Variants in EPHX2 observed in about 807,000 individuals in gnomAD.
The protein encoded by EPHX2 is bifunctional epoxide hydrolase 2.
In EPHX2, 74 loss-of-function variants were observed where a neutral mutation model predicts 78.7. The observed-to-expected ratio is 0.94, with a 90% CI of 0.78 to 1.14. The LOEUF is 1.14. EPHX2 is among the 50% of genes most tolerant of loss of function. EPHX2 has a pLI of 0.00. For missense variants in EPHX2, 715 were observed against 702.5 expected (o/e 1.02, Z -0.20); for synonymous variants, 251 against 255.2 (o/e 0.98, Z 0.16).
At chr8:27,496,192 A>G (rs988938969) in intron 1 of EPHX2, among the ~76,000 whole-genome samples, 6 of 152,220 alleles carry the variant, frequency 3.9e-5, no homozygotes, top group African/African-American at 9.6e-5. Flanking sequence ...TTTAGATGCC[A>G]TGTACCCTTG....
At chr8:27,509,477 C>G (rs1427055976) in intron 5 of EPHX2, among the ~76,000 whole-genome samples, 1 of 152,132 alleles carries the variant, frequency 6.6e-6, no homozygotes, top group Non-Finnish European at 1.5e-5. Flanking sequence ...CAGAGTCTCA[C>G]TCTGTTGGCC....
rs745786326 is a variant in EPHX2 at position 27,504,984 on chromosome 8, C to G, written c.375C>G (p.Thr125=). ...KGFTTAILTN[T]WLDDRAERDG... Reference sequence around the variant, plus strand: ...TCACTACTGCCATCCTCACCAACACCTGGCTGGACGACCGTGCTGAGAGAG... The same window carrying G: ...TCACTACTGCCATCCTCACCAACACGTGGCTGGACGACCGTGCTGAGAGAG... The change falls in exon 4 of 19, where the codon ACC becomes ACG. Residue 125 remains threonine (T), a synonymous_variant. Transcript: ENST00000521400. The G allele has an allele frequency of 6.2e-7, 1 of 1,614,138 alleles. No homozygotes were observed. Among genetic ancestry groups the G allele is most frequent in the Non-Finnish European group, 8.5e-7 (1 of 1,180,036 alleles).
At chr8:27,519,298 G>A (rs72475862) in intron 9 of EPHX2, among the ~76,000 whole-genome samples, 10 of 152,328 alleles carry the variant, frequency 6.6e-5, no homozygotes, top group Non-Finnish European at 1.0e-4. Flanking sequence ...GAGGAATGAC[G>A]TGCTGGTGCA....
In EPHX2 at chr8:27,544,682, T is replaced by A. The variant is rs1479072230; in HGVS notation, c.*160T>A. 2.9e-6 allele frequency: 2 copies of A among 691,202 alleles called. No individual in the cohort carries two copies. Among genetic ancestry groups the A allele is most frequent in the Admixed American group, 5.6e-5 (2 of 35,728 alleles). The allele number at this position is 691,202 out of a possible 1,614,324, so 42.8% of individuals were successfully genotyped here. A position where few individuals can be genotyped will look rare whatever the true frequency, so the allele number is the denominator to read the frequency against. Reference sequence around the variant, plus strand: ...AAAGATTTTCTTTACATAAAGTGAATCAAATTTGACATTATTTTAGATCCC... The same window carrying A: ...AAAGATTTTCTTTACATAAAGTGAAACAAATTTGACATTATTTTAGATCCC... On this transcript the variant is annotated 3_prime_UTR_variant, in exon 19 of 19. Transcript: ENST00000521400.
chr8:27,541,574 C>T (rs1429004223), intron 16 of EPHX2, 32 bp downstream of exon 16: 16 of 1,612,874 alleles, frequency 9.9e-6, no homozygotes, highest in Non-Finnish European at 1.4e-5. Flanking sequence ...GTCTCATCCA[C>T]ACCCCAGGAC....
chr8:27,506,875 GT>G lies in EPHX2; in HGVS notation c.548del (p.Leu183TrpfsTer8). ...TCCCATGCTGTTTTGGGCTCAGGTC[GT>G]TTTTTTGGATGACATCGGGGCTAAT... ...DTLKASPSEV[V>X]FLDDIGANLK... is the part of the protein sequence containing the mutation. On this transcript the variant is annotated frameshift_variant, in exon 5 of 19. Coordinates refer to ENST00000521400, the MANE Select transcript of EPHX2 (RefSeq NM_001979.6). LOFTEE classifies it high-confidence loss of function. The G allele has an allele frequency of 1.2e-6, 2 of 1,613,552 alleles. No individual in the cohort carries two copies. Among genetic ancestry groups the G allele is most frequent in the East Asian group, 2.2e-5 (1 of 44,836 alleles).
At chr8:27,534,448 C>T (rs1409042152) in intron 12 of EPHX2, among the ~76,000 whole-genome samples, 1 of 152,082 alleles carries the variant, frequency 6.6e-6, no homozygotes, top group Non-Finnish European at 1.5e-5. Context: ...GTCAGAAGCT[C>T]GAGACTAGCC....
chr8:27,525,133 T>C (rs1814797047), intron 11 of EPHX2, among the ~76,000 whole-genome samples: 1 of 150,996 alleles, frequency 6.6e-6, no homozygotes, highest in Non-Finnish European at 1.5e-5. Flanking sequence ...CACCTATGTG[T>C]CTAAGGCAAG....
chr8:27,501,376 TTCTTCTTCTTC>T (rs767531594), intron 2 of EPHX2, among the ~76,000 whole-genome samples: 48 of 128,926 alleles, frequency 3.7e-4, no homozygotes, highest in Middle Eastern at 3.5e-3. Flanking sequence ...CTTCTTCTTC[TTCTTCTTCTTC>T]TTCTTCTTTC....
intron 12 of EPHX2, among the ~76,000 whole-genome samples, chr8:27,528,912 C>A (rs1814938680): frequency 6.6e-6 from 1 of 152,252 alleles, no homozygotes; most frequent in South Asian, 2.1e-4. Flanking sequence ...TCTCCTGCCT[C>A]AGCCTCCCGA....
At chr8:27,547,821 T>C (rs114861615), downstream of EPHX2, among the ~76,000 whole-genome samples, 3,721 of 152,330 alleles carry the variant, frequency 0.024, 74 homozygotes, top group South Asian at 0.065. Context: ...ACTTTCTGTT[T>C]CTGGCTTATT....
intron 12 of EPHX2, among the ~76,000 whole-genome samples, chr8:27,529,634 A>T (rs1814964387): frequency 6.6e-6 from 1 of 152,114 alleles, no homozygotes; most frequent in East Asian, 1.9e-4. Context: ...GCAAAAAAAA[A>T]TGCTCTTTTG....
intron 6 of EPHX2, chr8:27,512,149 G>A: frequency 2.1e-6 from 1 of 486,264 alleles, no homozygotes; most frequent in Non-Finnish European, 3.7e-6. Flanking sequence ...TAAATATCGA[G>A]GGTGGTTGAA....
chr8:27,491,457 C>A (rs1055506994), intron 1 of EPHX2, 148 bp downstream of exon 1: 3 of 596,510 alleles, frequency 5.0e-6, no homozygotes, highest in East Asian at 3.3e-5. Flanking sequence ...CCCTGAAGTC[C>A]CAGTGCATAT....
At chr8:27,505,188 A>G in intron 4 of EPHX2, 42 bp downstream of exon 4, 1 of 1,602,498 alleles carries the variant, frequency 6.2e-7, no homozygotes, top group Non-Finnish European at 8.5e-7. Context: ...ATGTTCAGAG[A>G]TATTGCAACC....
chr8:27,511,327 C>T (rs1478567947), intron 5 of EPHX2, among the ~76,000 whole-genome samples: 2 of 152,214 alleles, frequency 1.3e-5, no homozygotes, highest in East Asian at 3.9e-4. Flanking sequence ...ATCGGAGGAG[C>T]TGCCACAGAA....
In EPHX2 at chr8:27,505,049, T is replaced by G; in HGVS notation, c.440T>G (p.Phe147Cys). ...CTGATGTGTGAGCTGAAGATGCACT[T>G]TGACTTCCTGATAGAGTCGTGTCAG... ...AQLMCELKMHFDFLIESCQVG... is the reference protein window; with the variant it reads ...AQLMCELKMHCDFLIESCQVG... Residue 147 changes from phenylalanine to cysteine, a missense_variant, in exon 4 of 19, where the codon TTT becomes TGT. Phe to Cys is a radical substitution (Grantham distance 205). Transcript: ENST00000521400. 6.2e-7 allele frequency: 1 copy of G among 1,614,124 alleles called. No individual in the cohort carries two copies.
Position 27,517,961 on chromosome 8 carries a change from G to C in EPHX2, c.911-77G>C, listed in dbSNP as rs377587775. ...TGTTGTTTGGTTTTTGGTTTTCTTT[G>C]CAAAAAGGTCCTTTTGATGTGTTGA... On this transcript the variant is annotated intron_variant, in intron 8 of 18. Coordinates refer to ENST00000521400, the MANE Select transcript of EPHX2 (RefSeq NM_001979.6). 5 of 1,211,806 alleles carry C rather than the reference G, an allele frequency of 4.1e-6. No individual in the cohort carries two copies. The African/African-American group carries it at 7.7e-5, about 19-fold the overall frequency. 75.1% of individuals were successfully genotyped at this position (1,211,806 alleles called of 1,614,324 possible). A position where few individuals can be genotyped will look rare whatever the true frequency, so the allele number is the denominator to read the frequency against.
intron 3 of EPHX2, 88 bp downstream of exon 3, chr8:27,503,851 G>C (rs1813894460): frequency 3.4e-6 from 5 of 1,452,662 alleles, no homozygotes; most frequent in Non-Finnish European, 4.6e-6. Context: ...TGAGCTTTGA[G>C]ATCACAGATC....
Sources: gnomAD v4.1 joint callset for allele counts (sites outside exome capture counted in the v4.1 genomes callset) on GRCh38, gnomAD v4.1.1 for gene constraint, MANE v1.5 for transcripts, NCBI Gene and HGNC (gene_info 2026-07-23, HGNC 2026-07-21) for gene names.